DENND1B: variants seen among roughly 807,000 people sequenced by gnomAD.
DENND1B encodes DENN domain-containing protein 1B.
In DENND1B, 59 loss-of-function variants were observed where a neutral mutation model predicts 90.1. The observed-to-expected ratio is 0.65, with a 90% confidence interval of 0.53 to 0.81. The LOEUF (loss-of-function observed/expected upper bound fraction) is 0.81, where lower values mean the gene tolerates loss of function less well. Ranked by LOEUF, DENND1B falls within the 40% of genes least tolerant of loss-of-function variation. DENND1B has a pLI of 0.00. For missense variants in DENND1B, 862 were observed against 912.6 expected, an observed-to-expected ratio of 0.94 and a Z score of 0.71; for synonymous variants, 337 against 324.6, an observed-to-expected ratio of 1.04 and a Z score of -0.41.
intron 12 of DENND1B, 47 bp from the exon 13 acceptor site, chr1:197,607,221 A>T: frequency 7.6e-7 from 1 of 1,316,914 alleles, no homozygotes; most frequent in South Asian, 1.4e-5. Context: ...TATTTACTTT[A>T]CAAAGTTATG....
intron 2 of DENND1B, among the ~76,000 whole-genome samples, chr1:197,717,039 G>C (rs1382298549): frequency 6.6e-6 from 1 of 151,594 alleles, no homozygotes; most frequent in Non-Finnish European, 1.5e-5. Context: ...AAATATCCCA[G>C]CTCTTTTCAT....
rs1437782874 is a variant in DENND1B, at chr1:197,508,462, A to G, written c.*1998T>C. 6.6e-6 allele frequency: 1 copy of G among 151,732 alleles called. No homozygotes were observed. Among genetic ancestry groups the G allele is most frequent in the South Asian group, 2.1e-4 (1 of 4,826 alleles). 9.4% of individuals were successfully genotyped at this position (151,732 alleles called of 1,614,324 possible). The stretch of plus-strand genomic sequence containing the variant: ...TAAGGATTAAACATTGTTTTCCTTA[A>G]TGTATACAGTCCATACTTATAAGGG... On this transcript the variant is annotated 3_prime_UTR_variant, in exon 23 of 23. Transcript: ENST00000620048.
chr1:197,550,475 T>C (rs1481920093), intron 16 of DENND1B, among the ~76,000 whole-genome samples: 1 of 152,042 alleles, frequency 6.6e-6, no homozygotes, highest in Non-Finnish European at 1.5e-5. Flanking sequence ...TGGAATACTA[T>C]GCAGCCATAA....
intron 2 of DENND1B, among the ~76,000 whole-genome samples, chr1:197,767,336 A>G (rs566634956): frequency 6.6e-6 from 1 of 152,030 alleles, no homozygotes; most frequent in Non-Finnish European, 1.5e-5. Flanking sequence ...AGATAGTATC[A>G]CTATAGACAA....
chr1:197,773,598 G>A (rs905680004), intron 1 of DENND1B, among the ~76,000 whole-genome samples: 3 of 152,076 alleles, frequency 2.0e-5, no homozygotes, highest in African/African-American at 7.2e-5. Flanking sequence ...ATTATCTTTG[G>A]AGAAACCAGC....
At chr1:197,546,880 T>C (rs943934660) in intron 16 of DENND1B, 107 bp from the exon 17 acceptor site, 3 of 855,760 alleles carry the variant, frequency 3.5e-6, no homozygotes, top group Non-Finnish European at 5.4e-6. Context: ...AGGCAAATTT[T>C]ATATGCAATG....
intron 10 of DENND1B, among the ~76,000 whole-genome samples, chr1:197,619,322 A>G (rs1677936733): frequency 6.6e-6 from 1 of 151,126 alleles, no homozygotes; most frequent in African/African-American, 2.4e-5. Context: ...GGTTGATCTA[A>G]CTCATTGTGT....
intron 5 of DENND1B, among the ~76,000 whole-genome samples, chr1:197,667,747 T>C (rs1655091344): frequency 6.6e-6 from 1 of 152,220 alleles, no homozygotes; most frequent in South Asian, 2.1e-4. Context: ...ACCTGACTTG[T>C]ATGGAGTGCC....
chr1:197,645,821 A>C, intron 8 of DENND1B, 78 bp from the exon 9 acceptor site: 1 of 975,152 alleles, frequency 1.0e-6, no homozygotes, highest in East Asian at 3.0e-5. Flanking sequence ...AAATCAGAAA[A>C]AAATATATTG....
At position 197,510,092 on chromosome 1, in the gene DENND1B, A is replaced by G. The variant is rs1046328923; in HGVS notation, c.*368T>C. The G allele has an allele frequency of 1.2e-5, 2 of 169,088 alleles. No homozygotes were observed. The highest frequency in any genetic ancestry group is 4.8e-5 in the African/African-American group (2 of 41,994). The allele number at this position is 169,088 out of a possible 1,614,324, so 10.5% of individuals were successfully genotyped here. A position where few individuals can be genotyped will look rare whatever the true frequency, so the allele number is the denominator to read the frequency against. On this transcript the variant is annotated 3_prime_UTR_variant, in exon 23 of 23. Coordinates refer to ENST00000620048, the MANE Select transcript of DENND1B (RefSeq NM_001195215.2). ...TTCAGGCTAGTTTTGATAAGTTTTG[A>G]TATCTTGATCAGTTCATGCTCAACC...
chr1:197,634,502 C>T (rs1679601604), intron 10 of DENND1B, among the ~76,000 whole-genome samples: 1 of 151,986 alleles, frequency 6.6e-6, no homozygotes, highest in Non-Finnish European at 1.5e-5. Context: ...CAAAGAATAC[C>T]AAACTAAGTT....
At chr1:197,708,281 A>C (rs1659827255) in intron 3 of DENND1B, among the ~76,000 whole-genome samples, 1 of 37,604 alleles carries the variant, frequency 2.7e-5, no homozygotes, top group Non-Finnish European at 5.5e-5. Context: ...GGCAGGGCAC[A>C]GACAAACAAA....
At chr1:197,749,104 G>A (rs1044997084) in intron 2 of DENND1B, among the ~76,000 whole-genome samples, 1 of 151,626 alleles carries the variant, frequency 6.6e-6, no homozygotes, top group East Asian at 1.9e-4. Flanking sequence ...CCGAGACACA[G>A]AAACAAAAAA....
intron 15 of DENND1B, among the ~76,000 whole-genome samples, chr1:197,562,891 T>C (rs945128353): frequency 1.8e-4 from 28 of 151,940 alleles, no homozygotes; most frequent in Admixed American, 1.3e-3. Context: ...AACAGCCTTA[T>C]TGCTGAGATG....
chr1:197,656,531 A>G (rs1158955219), intron 6 of DENND1B, among the ~76,000 whole-genome samples: 1 of 152,214 alleles, frequency 6.6e-6, no homozygotes, highest in Non-Finnish European at 1.5e-5. Flanking sequence ...TGTTAAAAAC[A>G]TCAAAGAATG....
rs909349448 is a variant in DENND1B at position 197,506,816 on chromosome 1, C to G, written c.*3644G>C. The G allele has an allele frequency of 2.0e-5, 3 of 151,404 alleles. No homozygotes were observed. The highest frequency in any genetic ancestry group is 4.4e-5 in the Non-Finnish European group (3 of 67,554). The allele number at this position is 151,404 out of a possible 1,614,324, so 9.4% of individuals were successfully genotyped here. Reference sequence around the variant, plus strand: ...TAAAAATTGGATTCCCATTAACATGCATCCACACCTTCAGTTACTCCTAAA... The same window carrying G: ...TAAAAATTGGATTCCCATTAACATGGATCCACACCTTCAGTTACTCCTAAA... On this transcript the variant is annotated 3_prime_UTR_variant, in exon 23 of 23. Coordinates refer to ENST00000620048, the MANE Select transcript of DENND1B (RefSeq NM_001195215.2).
At chr1:197,778,322 G>C (rs117953864), upstream of DENND1B, among the ~76,000 whole-genome samples, 103 of 152,096 alleles carry the variant, frequency 6.8e-4, no homozygotes, top group East Asian at 0.02. Context: ...TTTTAATCTA[G>C]TCTGATCATC....
At chr1:197,582,675 A>G (rs1414174008) in intron 15 of DENND1B, among the ~76,000 whole-genome samples, 4 of 152,198 alleles carry the variant, frequency 2.6e-5, no homozygotes, top group African/African-American at 9.6e-5. Context: ...CAAACAGCAT[A>G]ACTATGAGTC....
In DENND1B at chr1:197,510,036, A is replaced by C. The variant is rs1667914780; in HGVS notation, c.*424T>G. 1 of 156,118 alleles carries C rather than the reference A, an allele frequency of 6.4e-6. No homozygotes were observed. The highest frequency in any genetic ancestry group is 1.4e-5 in the Non-Finnish European group (1 of 70,764). 9.7% of individuals were successfully genotyped at this position (156,118 alleles called of 1,614,324 possible). A position where few individuals can be genotyped will look rare whatever the true frequency, so the allele number is the denominator to read the frequency against. On this transcript the variant is annotated 3_prime_UTR_variant, in exon 23 of 23. Transcript: ENST00000620048. ...TGCTTAAAAAACAGCTTTAAGATTA[A>C]GGCAATTAGTGGGTTAACAGTTTCA...
Sources: gnomAD v4.1 joint callset for allele counts (sites outside exome capture counted in the v4.1 genomes callset) on GRCh38, gnomAD v4.1.1 for gene constraint, MANE v1.5 for transcripts, NCBI Gene and HGNC (gene_info 2026-07-23, HGNC 2026-07-21) for gene names.